The following SH3RF3 variants were observed in gnomAD, a reference collection of about 807,000 sequenced individuals.
SH3RF3 encodes SH3 domain containing ring finger 3, also known as E3 ubiquitin-protein ligase SH3RF3.
SH3RF3 carries 29 observed loss-of-function variants against 66.3 expected under a neutral mutation model. The ratio of observed to expected loss-of-function variants is 0.44; its 90% CI spans 0.33 to 0.60. The LOEUF is 0.60. Among genes scored for constraint, SH3RF3 ranks in the 20% least tolerant of loss-of-function variants. The pLI is 0.04. For missense variants in SH3RF3, 1,194 were observed against 1,190.9 expected (o/e 1.00, Z -0.04); for synonymous variants, 583 against 532.0 (o/e 1.10, Z -1.32).
chr2:109,449,147 T>C, intron 7 of SH3RF3, 23 bp from the exon 8 acceptor site: 1 of 1,608,776 alleles, frequency 6.2e-7, no homozygotes, highest in Non-Finnish European at 8.5e-7. Context: ...TTCAACCTGC[T>C]GTCTCTCCAA....
rs527858905 is a variant in SH3RF3 at position 109,247,793 on chromosome 2, G to A, written c.574-99881G>A. On this transcript the variant is annotated intron_variant, in intron 1 of 9. Transcript: ENST00000309415. ...ATAATACCTTTTTATTTAACTCACT[G>A]TTGTGTGTGTTGGCTGGGGTTACTG... is the stretch of plus-strand genomic sequence containing the variant. Among the ~76,000 whole-genome samples the A allele has an allele frequency of 7.2e-5, 11 of 152,254 alleles. No homozygotes were observed. In the East Asian group the frequency reaches 1.9e-3, roughly 27 times the overall value.
At chr2:109,488,983 C>T (rs1679053607) in intron 8 of SH3RF3, among the ~76,000 whole-genome samples, 1 of 152,182 alleles carries the variant, frequency 6.6e-6, no homozygotes, top group Non-Finnish European at 1.5e-5. Context: ...CAGAACTCCC[C>T]ATGGACTGTC....
chr2:109,278,329 C>T (rs73955503), intron 1 of SH3RF3, among the ~76,000 whole-genome samples: 6,143 of 152,300 alleles, frequency 0.04, 414 homozygotes, highest in African/African-American at 0.14. Flanking sequence ...GGCTGGTGCC[C>T]GTAATGGGGG....
At chr2:109,374,897 C>G (rs568925132) in intron 3 of SH3RF3, among the ~76,000 whole-genome samples, 328 of 152,340 alleles carry the variant, frequency 2.2e-3, no homozygotes, top group African/African-American at 7.2e-3. Flanking sequence ...GTGGACCTCA[C>G]AAAGTAAACG....
At chr2:109,227,562 G>A (rs1457723487) in intron 1 of SH3RF3, among the ~76,000 whole-genome samples, 1 of 152,186 alleles carries the variant, frequency 6.6e-6, no homozygotes, top group Non-Finnish European at 1.5e-5. Flanking sequence ...ATCCCTGTCT[G>A]CTTCTCTGGG....
intron 1 of SH3RF3, among the ~76,000 whole-genome samples, chr2:109,224,177 T>G (rs1223453959): frequency 1.3e-5 from 2 of 152,042 alleles, no homozygotes; most frequent in Non-Finnish European, 2.9e-5. Flanking sequence ...TGTGTGTGCA[T>G]GTGCAAATGG....
At chr2:109,359,627 T>G (rs1683015573) in intron 2 of SH3RF3, among the ~76,000 whole-genome samples, 1 of 152,192 alleles carries the variant, frequency 6.6e-6, no homozygotes. Context: ...GCATCACTAA[T>G]CTGGAAACTT....
chr2:109,212,224 C>T (rs796501683), intron 1 of SH3RF3, among the ~76,000 whole-genome samples: 7 of 152,290 alleles, frequency 4.6e-5, no homozygotes, highest in African/African-American at 1.7e-4. Context: ...TCTTCCTCCT[C>T]TTCTTGACTC....
intron 4 of SH3RF3, among the ~76,000 whole-genome samples, chr2:109,399,446 T>C (rs1191971930): frequency 1.7e-5 from 2 of 116,596 alleles, no homozygotes; most frequent in African/African-American, 3.2e-5. Flanking sequence ...CCATTTCCAC[T>C]AGTTTTTTTT....
chr2:109,228,139 A>T (rs1324327387), intron 1 of SH3RF3, among the ~76,000 whole-genome samples: 1 of 152,174 alleles, frequency 6.6e-6, no homozygotes, highest in African/African-American at 2.4e-5. Flanking sequence ...TTCATGCTGC[A>T]AATGATGTAC....
At chr2:109,361,177 A>C (rs1180410811) in intron 2 of SH3RF3, among the ~76,000 whole-genome samples, 1 of 152,182 alleles carries the variant, frequency 6.6e-6, no homozygotes, top group African/African-American at 2.4e-5. Context: ...GATAAATTCC[A>C]CTTGGCTGTG....
chr2:109,447,364 G>A (rs1038930534), intron 7 of SH3RF3, among the ~76,000 whole-genome samples: 4 of 152,014 alleles, frequency 2.6e-5, no homozygotes, highest in South Asian at 2.1e-4. Flanking sequence ...TATGTCTCAC[G>A]GTGCTACTTC....
chr2:109,414,451 C>T (rs1264356014), intron 4 of SH3RF3, among the ~76,000 whole-genome samples: 2 of 152,092 alleles, frequency 1.3e-5, no homozygotes, highest in African/African-American at 4.8e-5. Flanking sequence ...GTAAACCTGG[C>T]CCCTGTTACC....
chr2:109,156,789 G>A (rs1284026234), intron 1 of SH3RF3, among the ~76,000 whole-genome samples: 1 of 152,108 alleles, frequency 6.6e-6, no homozygotes, highest in Non-Finnish European at 1.5e-5. Flanking sequence ...TGTTGTAGGA[G>A]ATAGAAACGT....
At chr2:109,278,016 A>AAAC (rs1680797854) in intron 1 of SH3RF3, among the ~76,000 whole-genome samples, 1 of 147,786 alleles carries the variant, frequency 6.8e-6, no homozygotes, top group Non-Finnish European at 1.5e-5. Context: ...CTAACAAAAA[A>AAAC]AAAAAAAAAA....
rs182977743 is a variant in SH3RF3, at chr2:109,274,001, A to G, written c.574-73673A>G. Among the ~76,000 whole-genome samples the G allele has an allele frequency of 3.9e-5, 6 of 152,316 alleles. No homozygotes were observed. The East Asian group carries it at 7.7e-4, about 20-fold the overall frequency. On this transcript the variant is annotated intron_variant, in intron 1 of 9. Transcript: ENST00000309415. ...TATGCTGGCAAGGATAATACTTACCATAGTTCTGGGCTTATAAAAGAGTGC... is the reference window on the plus strand; with the variant it reads ...TATGCTGGCAAGGATAATACTTACCGTAGTTCTGGGCTTATAAAAGAGTGC...
chr2:109,151,414 T>C (rs1016270515), intron 1 of SH3RF3, among the ~76,000 whole-genome samples: 1 of 152,198 alleles, frequency 6.6e-6, no homozygotes, highest in Non-Finnish European at 1.5e-5. Flanking sequence ...ATTCCTAATT[T>C]TATACTCCAA....
rs546092066 is a variant in SH3RF3, at chr2:109,491,112, G to A, written c.2480+176G>A. On this transcript the variant is annotated intron_variant, in intron 9 of 9. Transcript: ENST00000309415. ...GGGTGGTGAGTGCTGGATGAAACGA[G>A]TCTGGGAACTGGAGTGTTATTTCAT... Among the ~76,000 whole-genome samples the A allele has an allele frequency of 2.8e-4, 42 of 152,338 alleles. No individual in the cohort carries two copies. The South Asian group carries it at 8.5e-3, about 31-fold the overall frequency.
chr2:109,458,410 TTCTC>T lies in SH3RF3; in HGVS notation c.2148+8925_2148+8928del, dbSNP rs760955693. Among the ~76,000 whole-genome samples, 20 of 152,292 alleles carry T rather than the reference TTCTC, an allele frequency of 1.3e-4. 1 individual carries two copies. The Middle Eastern group carries it at 0.014, about 104-fold the overall frequency. ...TCACCTGCCTTCTAACTCTTATTTA[TTCTC>T]TCTTTCACTTTAAGGTCACCTTACA... On this transcript the variant is annotated intron_variant, in intron 8 of 9. Coordinates refer to ENST00000309415, the MANE Select transcript of SH3RF3 (RefSeq NM_001099289.3).
Sources: allele counts gnomAD v4.1 joint callset (sites outside exome capture counted in the v4.1 genomes callset), GRCh38; gene constraint gnomAD v4.1.1; transcripts MANE v1.5; gene names NCBI Gene and HGNC (gene_info 2026-07-23, HGNC 2026-07-21).